MAGI2: variants seen among roughly 807,000 people sequenced by gnomAD.
MAGI2 encodes the protein membrane-associated guanylate kinase, WW and PDZ domain-containing protein 2.
A neutral mutation model predicts 133.3 loss-of-function variants in MAGI2; 35 were observed. That is an observed-to-expected ratio of 0.26 (90% CI 0.20 to 0.35). The LOEUF (loss-of-function observed/expected upper bound fraction) is 0.35. Ranked by LOEUF, MAGI2 falls within the 10% of genes least tolerant of loss-of-function variation. The probability of loss-of-function intolerance (pLI) is 1.00; values close to 1 mark genes in which losing one functional copy is unlikely to be tolerated. For synonymous variants in MAGI2, 729 were observed against 710.6 expected (o/e 1.03, Z -0.41); for missense variants, 1,636 against 1,863.4 (o/e 0.88, Z 2.25).
At chr7:78,584,421 G>GAAAAAAAAAAAAAAAAAAAAAA (rs57844382) in intron 3 of MAGI2, among the ~76,000 whole-genome samples, 1 of 83,936 alleles carries the variant, frequency 1.2e-5, no homozygotes, top group Non-Finnish European at 2.4e-5. Context: ...CTCCGTCTCA[G>GAAAAAAAAAAAAAAAAAAAAAA]AAAAAAAAAA....
intron 21 of MAGI2, among the ~76,000 whole-genome samples, chr7:78,053,333 G>A (rs1339906304): frequency 2.6e-5 from 4 of 152,130 alleles, no homozygotes; most frequent in African/African-American, 9.7e-5. Context: ...TAGGTGAGGA[G>A]ACCCTTAATA....
At chr7:79,450,811 C>T (rs574389825) in intron 1 of MAGI2, among the ~76,000 whole-genome samples, 1 of 152,068 alleles carries the variant, frequency 6.6e-6, no homozygotes, top group African/African-American at 2.4e-5. Context: ...TCATGGATAC[C>T]CACAATGATG....
In MAGI2 at chr7:78,019,807, G is replaced by A. The variant is rs1808148851; in HGVS notation, c.3876C>T (p.His1292=). The A allele has an allele frequency of 1.2e-6, 2 of 1,613,218 alleles. No individual in the cohort carries two copies. The highest frequency in any genetic ancestry group is 1.7e-6 in the Non-Finnish European group (2 of 1,179,894). The change falls in exon 22 of 22, where the codon CAC becomes CAT. Residue 1292 remains histidine (H), a synonymous_variant. Transcript: ENST00000354212. ...PGPTWDIKRE[H]DVRKPKELSA... ...AAAGCTCCTTTGGTTTCCTAACGTCGTGTTCCCGTTTGATATCCCAAGTTG... is the reference window on the plus strand; with the variant it reads ...AAAGCTCCTTTGGTTTCCTAACGTCATGTTCCCGTTTGATATCCCAAGTTG...
intron 1 of MAGI2, among the ~76,000 whole-genome samples, chr7:79,189,513 C>T (rs959893454): frequency 4.0e-5 from 6 of 151,468 alleles, no homozygotes; most frequent in Non-Finnish European, 7.4e-5. Context: ...AAAAATTAAG[C>T]GGAACGTACA....
chr7:79,286,262 T>C (rs1835991431), intron 1 of MAGI2, among the ~76,000 whole-genome samples: 1 of 152,074 alleles, frequency 6.6e-6, no homozygotes, highest in Non-Finnish European at 1.5e-5. Context: ...CTTTAGTGTA[T>C]GCCTTGGGTT....
At position 78,178,037 on chromosome 7, in the gene MAGI2, G is replaced by A. The variant is rs1324821038; in HGVS notation, c.2377C>T (p.Leu793Phe). The A allele has an allele frequency of 1.9e-6, 3 of 1,612,930 alleles. No homozygotes were observed. Among genetic ancestry groups the A allele is most frequent in the Non-Finnish European group, 2.5e-6 (3 of 1,179,210 alleles). Reference sequence around the variant, plus strand: ...GGCTGTCCAGGCTCATCTCCCCCGAGGATTCTGAAGCCAAATCCAGACTCC... The same window carrying A: ...GGCTGTCCAGGCTCATCTCCCCCGAAGATTCTGAAGCCAAATCCAGACTCC... ...RMESGFGFRI[L>F]GGDEPGQPIL... is the part of the protein sequence containing the mutation. The change falls in exon 14 of 22, where the codon CTC becomes TTC. Residue 793 changes from leucine to phenylalanine, a missense_variant. This residue lies in a region of MAGI2 where 920 missense variants were observed against 1,093.5 expected (regional missense o/e 0.84). Transcript: ENST00000354212.
At chr7:78,345,477 G>C (rs1790801053) in intron 8 of MAGI2, 1 of 157,182 alleles carries the variant, frequency 6.4e-6, no homozygotes, top group South Asian at 1.9e-4. Flanking sequence ...GGGTCGCGCT[G>C]ATAGTAAGAC....
chr7:78,165,782 CT>C (rs1825565761), intron 15 of MAGI2, among the ~76,000 whole-genome samples: 1 of 152,172 alleles, frequency 6.6e-6, no homozygotes, highest in Non-Finnish European at 1.5e-5. Context: ...AGCAACAGTC[CT>C]TGAAAAGGCA....
At chr7:79,110,531 CTGTACCCACATTGCA>C (rs1818843202) in intron 1 of MAGI2, among the ~76,000 whole-genome samples, 1 of 152,214 alleles carries the variant, frequency 6.6e-6, no homozygotes, top group Admixed American at 6.5e-5. Flanking sequence ...TACCCAATGC[CTGTACCCACATTGCA>C]TCTTGGAAGG....
intron 16 of MAGI2, among the ~76,000 whole-genome samples, chr7:78,157,696 G>GAATA (rs1824533812): frequency 6.6e-6 from 1 of 152,122 alleles, no homozygotes; most frequent in South Asian, 2.1e-4. Context: ...AGACTGGAAT[G>GAATA]GCTGCAAAAT....
At chr7:78,500,378 C>A (rs1027971778) in intron 5 of MAGI2, among the ~76,000 whole-genome samples, 1 of 152,158 alleles carries the variant, frequency 6.6e-6, no homozygotes, top group Admixed American at 6.5e-5. Context: ...CTATTATTTT[C>A]TCTCTTTGAG....
intron 1 of MAGI2, among the ~76,000 whole-genome samples, chr7:79,383,288 T>C (rs1843930593): frequency 6.6e-6 from 1 of 151,636 alleles, no homozygotes; most frequent in Non-Finnish European, 1.5e-5. Context: ...AGAATTTACA[T>C]TGCAAAATCA....
intron 21 of MAGI2, among the ~76,000 whole-genome samples, chr7:78,049,431 C>T (rs1388388019): frequency 6.6e-6 from 1 of 152,216 alleles, no homozygotes; most frequent in African/African-American, 2.4e-5. Flanking sequence ...TTACTTAGTG[C>T]TCCTACCTTG....
intron 6 of MAGI2, among the ~76,000 whole-genome samples, chr7:78,396,361 T>C (rs1387697747): frequency 1.3e-5 from 2 of 152,148 alleles, no homozygotes; most frequent in East Asian, 1.9e-4. Flanking sequence ...CTGTTCTCTA[T>C]AGGCCAGCCA....
At chr7:78,848,814 T>C (rs1028411109) in intron 2 of MAGI2, among the ~76,000 whole-genome samples, 3 of 152,030 alleles carry the variant, frequency 2.0e-5, no homozygotes, top group African/African-American at 2.4e-5. Flanking sequence ...ACCTATGTAA[T>C]GTCATCATCC....
intron 1 of MAGI2, among the ~76,000 whole-genome samples, chr7:79,323,190 C>T (rs1309881631): frequency 2.0e-5 from 3 of 152,084 alleles, no homozygotes; most frequent in Admixed American, 2.0e-4. Context: ...TTTTGAGCTC[C>T]TACTGTATAC....
intron 2 of MAGI2, among the ~76,000 whole-genome samples, chr7:78,900,328 G>C (rs572891809): frequency 6.6e-6 from 1 of 152,170 alleles, no homozygotes; most frequent in South Asian, 2.1e-4. Flanking sequence ...ACTCTCCTTT[G>C]ATGTTTTCCT....
At chr7:78,832,387 A>G (rs1791253582) in intron 2 of MAGI2, among the ~76,000 whole-genome samples, 2 of 152,174 alleles carry the variant, frequency 1.3e-5, no homozygotes, top group East Asian at 1.9e-4. Context: ...ATAAAATCCA[A>G]TCCTCCTTTA....
chr7:78,722,817 G>A (rs752184539), intron 2 of MAGI2, among the ~76,000 whole-genome samples: 19 of 152,118 alleles, frequency 1.2e-4, no homozygotes, highest in Non-Finnish European at 2.4e-4. Context: ...GAATCCCTGG[G>A]GGAACTTAAA....
Sources: gnomAD v4.1 joint callset for allele counts (sites outside exome capture counted in the v4.1 genomes callset) on GRCh38, gnomAD v4.1.1 for gene constraint, gnomAD v4.1.1 regional missense constraint, MANE v1.5 for transcripts, NCBI Gene and HGNC (gene_info 2026-07-23, HGNC 2026-07-21) for gene names.